The following SETD2 variants were observed in gnomAD, a reference collection of about 807,000 sequenced individuals.
SETD2 encodes the protein SET domain containing 2, histone lysine methyltransferase, also known as histone-lysine N-methyltransferase SETD2.
A neutral mutation model predicts 242.1 loss-of-function variants in SETD2; 31 were observed. The ratio of observed to expected loss-of-function variants is 0.13; its 90% CI spans 0.10 to 0.17. SETD2 has a LOEUF of 0.17. Among genes scored for constraint, SETD2 ranks in the 10% least tolerant of loss-of-function variants. SETD2 has a pLI of 1.00. For synonymous variants in SETD2, 1,006 were observed against 1,066.5 expected (o/e 0.94, Z 1.11); for missense variants, 2,481 against 3,046.3 (o/e 0.81, Z 4.37).
Position 47,017,038 on chromosome 3 carries a change from C to A in SETD2, c.*55G>T, listed in dbSNP as rs2107483840. ...GGGACAGAAAGGCCCACAGGATTTCCTCTCCCTAGAGTCTGTCTTACCTGA... is the reference window on the plus strand; with the variant it reads ...GGGACAGAAAGGCCCACAGGATTTCATCTCCCTAGAGTCTGTCTTACCTGA... On this transcript the variant is annotated 3_prime_UTR_variant, in exon 21 of 21. Transcript: ENST00000409792. This position sits in a 1 kb window ranked among gnomAD's most constrained non-coding sequence, Gnocchi z 4.8. The A allele has an allele frequency of 6.4e-7, 1 of 1,562,530 alleles. No homozygotes were observed. The highest frequency in any genetic ancestry group is 8.8e-7 in the Non-Finnish European group (1 of 1,137,334).
intron 11 of SETD2, among the ~76,000 whole-genome samples, chr3:47,084,766 T>C (rs1335252652): frequency 6.6e-6 from 1 of 150,772 alleles, no homozygotes; most frequent in African/African-American, 2.4e-5. Flanking sequence ...AGTTTCGCTC[T>C]TGTTGCCCAG....
chr3:47,047,774 C>T (rs1320860476), intron 15 of SETD2, among the ~76,000 whole-genome samples: 1 of 152,140 alleles, frequency 6.6e-6, no homozygotes, highest in African/African-American at 2.4e-5. Context: ...AGAATAGTAT[C>T]ACAAAGCCTG....
At chr3:47,131,422 C>A (rs2043471852) in intron 1 of SETD2, among the ~76,000 whole-genome samples, 1 of 152,134 alleles carries the variant, frequency 6.6e-6, no homozygotes, top group African/African-American at 2.4e-5. Flanking sequence ...CAGCTCACTG[C>A]AAGCTCCGCC....
At chr3:47,104,420 G>A (rs2042330675) in intron 6 of SETD2, among the ~76,000 whole-genome samples, 1 of 151,796 alleles carries the variant, frequency 6.6e-6, no homozygotes, top group African/African-American at 2.4e-5. Context: ...TGTGCCTGTA[G>A]TTCCAGCACC....
intron 1 of SETD2, among the ~76,000 whole-genome samples, chr3:47,145,747 G>A (rs2043835967): frequency 6.6e-6 from 1 of 152,120 alleles, no homozygotes; most frequent in African/African-American, 2.4e-5. Context: ...CAGGTGTGGT[G>A]GCTCATGCCT....
chr3:47,036,358 C>T (rs148207033), intron 18 of SETD2, among the ~76,000 whole-genome samples: 147 of 152,204 alleles, frequency 9.7e-4, no homozygotes, highest in African/African-American at 3.3e-3. Context: ...AGTTCAAGGC[C>T]AGCCTGGGCA....
At chr3:47,081,493 A>G (rs2041316843) in intron 12 of SETD2, among the ~76,000 whole-genome samples, 1 of 152,230 alleles carries the variant, frequency 6.6e-6, no homozygotes, top group Non-Finnish European at 1.5e-5. Context: ...GCCAATGTCT[A>G]CTCGAACACA....
chr3:47,032,867 G>A (rs1004090551), intron 18 of SETD2, among the ~76,000 whole-genome samples: 6 of 151,568 alleles, frequency 4.0e-5, no homozygotes, highest in Admixed American at 2.6e-4. Flanking sequence ...AGCCGAGATC[G>A]CACCACTGCA....
chr3:47,075,170 GAA>G (rs1394973043), intron 12 of SETD2, among the ~76,000 whole-genome samples: 1 of 151,182 alleles, frequency 6.6e-6, no homozygotes, highest in South Asian at 2.1e-4. Flanking sequence ...AGTATTAAAG[GAA>G]AAAAAGATAC....
intron 10 of SETD2, 116 bp from the exon 11 acceptor site, chr3:47,086,430 C>A: frequency 2.1e-6 from 2 of 973,602 alleles, no homozygotes; most frequent in Admixed American, 2.9e-5. Context: ...CACTTACATT[C>A]ACAAAAAAAA....
At position 47,086,337 on chromosome 3, in the gene SETD2, C is replaced by T. The variant is rs373138775; in HGVS notation, c.5278-23G>A. 118 of 1,607,000 alleles carry T rather than the reference C, an allele frequency of 7.3e-5. No individual in the cohort carries two copies. The African/African-American group carries it at 9.5e-4, about 13-fold the overall frequency. ...GTTCTTTCATGGGGGAAGGGAGACACGATGCAGAGCATTGGGAGGCAATAT... is the reference window on the plus strand; with the variant it reads ...GTTCTTTCATGGGGGAAGGGAGACATGATGCAGAGCATTGGGAGGCAATAT... On this transcript the variant is annotated intron_variant, in intron 10 of 20. Coordinates refer to ENST00000409792, the MANE Select transcript of SETD2 (RefSeq NM_014159.7).
chr3:47,032,094 G>C lies in SETD2; in HGVS notation c.7350+5572C>G, dbSNP rs146488708. On this transcript the variant is annotated intron_variant, in intron 18 of 20. Coordinates refer to ENST00000409792, the MANE Select transcript of SETD2 (RefSeq NM_014159.7). ...TTGTGAATGTACCAAATGTGACAGA[G>C]GCATGTAATGTTTTCATATTATTAT... 1.7e-3 allele frequency among the ~76,000 whole-genome samples: 253 copies of C among 152,180 alleles called. 2 individuals are homozygous for C. The highest frequency in any genetic ancestry group is 5.4e-3 in the African/African-American group (225 of 41,510).
At chr3:47,150,967 A>C (rs1023281427) in intron 1 of SETD2, among the ~76,000 whole-genome samples, 3 of 151,926 alleles carry the variant, frequency 2.0e-5, no homozygotes, top group African/African-American at 4.8e-5. Context: ...AGCATGTATT[A>C]TAATAGAGGT....
intron 12 of SETD2, among the ~76,000 whole-genome samples, chr3:47,073,246 C>A (rs1405526594): frequency 6.6e-6 from 1 of 151,660 alleles, no homozygotes; most frequent in Non-Finnish European, 1.5e-5. Flanking sequence ...AGTAGAAAAG[C>A]AAAGCTATGG....
chr3:47,044,958 C>T (rs745703275), intron 16 of SETD2, among the ~76,000 whole-genome samples: 6 of 152,148 alleles, frequency 3.9e-5, no homozygotes, highest in Non-Finnish European at 8.8e-5. Flanking sequence ...ATTAGAGATG[C>T]TCAAGTGGTA....
chr3:47,025,063 G>C (rs1035106747), intron 18 of SETD2, among the ~76,000 whole-genome samples: 10 of 152,162 alleles, frequency 6.6e-5, no homozygotes, highest in African/African-American at 2.2e-4. Context: ...ACTCCATACA[G>C]CTCTGTCTCC....
At position 47,122,550 on chromosome 3, in the gene SETD2, T is replaced by C. The variant is rs1284939260; in HGVS notation, c.2086A>G (p.Met696Val). ...CCAGTCACACTATCATCAGAAGTCA[T>C]TAAAACAGCATCAGTTTTAGAAGTG... ...FCTSKTDAVL[M>V]TSDDSVTGSE... The change falls in exon 3 of 21, where the codon ATG becomes GTG. Residue 696 changes from methionine (M) to valine (V), a missense_variant. Coordinates refer to ENST00000409792, the MANE Select transcript of SETD2 (RefSeq NM_014159.7). 1.2e-6 allele frequency: 2 copies of C among 1,614,134 alleles called. No homozygotes were observed. Among genetic ancestry groups the C allele is most frequent in the Admixed American group, 3.3e-5 (2 of 60,026 alleles).
intron 4 of SETD2, 24 bp from the exon 5 acceptor site, chr3:47,114,028 T>G (rs1237178784): frequency 1.3e-6 from 2 of 1,594,654 alleles, no homozygotes; most frequent in African/African-American, 1.4e-5. Flanking sequence ...AGGAGGAAAT[T>G]TAATTCTTTA....
chr3:47,072,090 C>T (rs1022763835), intron 12 of SETD2, among the ~76,000 whole-genome samples: 1 of 152,086 alleles, frequency 6.6e-6, no homozygotes, highest in African/African-American at 2.4e-5. Flanking sequence ...GGGCAGATCA[C>T]GAGGTCAGAA....
Sources: allele counts gnomAD v4.1 joint callset (sites outside exome capture counted in the v4.1 genomes callset), GRCh38; gene constraint gnomAD v4.1.1; non-coding constraint Gnocchi (gnomAD v3.1); transcripts MANE v1.5; gene names NCBI Gene and HGNC (gene_info 2026-07-23, HGNC 2026-07-21).